Variants in NKAIN2 observed in about 807,000 individuals in gnomAD.
NKAIN2 encodes sodium/potassium-transporting ATPase subunit beta-1-interacting protein 2.
A neutral mutation model predicts 32.6 loss-of-function variants in NKAIN2; 14 were observed. That is an observed-to-expected ratio of 0.43 (90% CI 0.28 to 0.67). The LOEUF (loss-of-function observed/expected upper bound fraction) is 0.67, where lower values mean the gene tolerates loss of function less well. Among genes scored for constraint, NKAIN2 ranks in the 30% least tolerant of loss-of-function variants. The pLI is 0.17. For synonymous variants in NKAIN2, 80 were observed against 87.2 expected, an observed-to-expected ratio of 0.92 and a Z score of 0.46; for missense variants, 198 against 258.3, an observed-to-expected ratio of 0.77 and a Z score of 1.60.
At chr6:124,427,460 T>C (rs184860177) in intron 3 of NKAIN2, among the ~76,000 whole-genome samples, 2 of 152,360 alleles carry the variant, frequency 1.3e-5, no homozygotes, top group East Asian at 3.9e-4. Flanking sequence ...ATACTTTAAA[T>C]ATAAGAAATA....
intron 1 of NKAIN2, among the ~76,000 whole-genome samples, chr6:124,158,395 T>G (rs1788094684): frequency 6.6e-6 from 1 of 152,150 alleles, no homozygotes; most frequent in Non-Finnish European, 1.5e-5. Flanking sequence ...TTTCCACATG[T>G]GGATTTTGTG....
rs760020043 is a variant in NKAIN2, at chr6:123,964,667, G to T, written c.54+160413G>T. ...AAATGTCAAACGGTTTTGGAGTGTT[G>T]CCCAGCCACTTTCCTGTACTCACAT... On this transcript the variant is annotated intron_variant, in intron 1 of 6. Transcript: ENST00000368417. The surrounding 1 kb of genome is among the most constrained non-coding windows in gnomAD (Gnocchi z 4.0). Among the ~76,000 whole-genome samples, 113 of 152,108 alleles carry T rather than the reference G, an allele frequency of 7.4e-4. 1 individual carries two copies. The highest frequency in any genetic ancestry group is 2.1e-4 in the Non-Finnish European group (14 of 68,028).
At chr6:124,808,808 C>CA (rs555789791) in intron 5 of NKAIN2, among the ~76,000 whole-genome samples, 12 of 151,948 alleles carry the variant, frequency 7.9e-5, no homozygotes, top group Admixed American at 1.3e-4. Flanking sequence ...AATCAATGTA[C>CA]AAAATCACAA....
intron 3 of NKAIN2, among the ~76,000 whole-genome samples, chr6:124,453,316 C>A (rs1243640220): frequency 8.7e-6 from 1 of 115,522 alleles, no homozygotes; most frequent in Non-Finnish European, 1.8e-5. Flanking sequence ...CTCATACATG[C>A]ATATAAACAC....
chr6:124,231,080 G>A (rs940579235), intron 1 of NKAIN2, among the ~76,000 whole-genome samples: 4 of 152,222 alleles, frequency 2.6e-5, no homozygotes, highest in African/African-American at 9.6e-5. Flanking sequence ...CAAGACCGTG[G>A]GAACCCACCT....
At chr6:124,546,679 T>A (rs1304089253) in intron 3 of NKAIN2, among the ~76,000 whole-genome samples, 2 of 152,072 alleles carry the variant, frequency 1.3e-5, no homozygotes, top group Non-Finnish European at 2.9e-5. Context: ...TGCTTCCCCC[T>A]CAAGAAATTT....
chr6:124,382,232 A>G (rs1772676823), intron 3 of NKAIN2, among the ~76,000 whole-genome samples: 1 of 152,180 alleles, frequency 6.6e-6, no homozygotes, highest in Non-Finnish European at 1.5e-5. Flanking sequence ...TGCAGTTTAT[A>G]TTGTTTACAT....
At chr6:124,337,675 T>C (rs1237765120) in intron 2 of NKAIN2, among the ~76,000 whole-genome samples, 3 of 152,264 alleles carry the variant, frequency 2.0e-5, no homozygotes, top group Non-Finnish European at 2.9e-5. Flanking sequence ...AGAAGCTCCC[T>C]ATAGGTGACT....
chr6:124,044,982 T>G (rs1782050604), intron 1 of NKAIN2, among the ~76,000 whole-genome samples: 1 of 151,980 alleles, frequency 6.6e-6, no homozygotes, highest in African/African-American at 2.4e-5. Flanking sequence ...CACCCAAAAC[T>G]GCGTTTTCTG....
In NKAIN2 at chr6:124,484,982, A is replaced by G. The variant is rs905831011; in HGVS notation, c.273+129635A>G. Among the ~76,000 whole-genome samples, 59 of 152,158 alleles carry G rather than the reference A, an allele frequency of 3.9e-4. 2 individuals carry two copies. Among genetic ancestry groups the G allele is most frequent in the Non-Finnish European group, 8.8e-5 (6 of 68,036 alleles). On this transcript the variant is annotated intron_variant, in intron 3 of 6. Coordinates refer to ENST00000368417, the MANE Select transcript of NKAIN2 (RefSeq NM_001040214.3). ...AAAAAAGAGCCCCTTCTGAGTGAATACAAAATACATCAAAAGATATCTGTT... is the reference window on the plus strand; with the variant it reads ...AAAAAAGAGCCCCTTCTGAGTGAATGCAAAATACATCAAAAGATATCTGTT...
At position 124,543,629 on chromosome 6, in the gene NKAIN2, A is replaced by G. The variant is rs527928991; in HGVS notation, c.274-114557A>G. Among the ~76,000 whole-genome samples, 7 of 152,330 alleles carry G rather than the reference A, an allele frequency of 4.6e-5. No homozygotes were observed. The South Asian group carries it at 1.5e-3, about 32-fold the overall frequency. On this transcript the variant is annotated intron_variant, in intron 3 of 6. Transcript: ENST00000368417. ...AGATGATGAATTCTAAAATGGTGCAAGATTAAATTTACACACACACAAAAA... is the reference window on the plus strand; with the variant it reads ...AGATGATGAATTCTAAAATGGTGCAGGATTAAATTTACACACACACAAAAA...
At chr6:124,436,573 T>G (rs1054624897) in intron 3 of NKAIN2, among the ~76,000 whole-genome samples, 1 of 152,132 alleles carries the variant, frequency 6.6e-6, no homozygotes, top group African/African-American at 2.4e-5. Flanking sequence ...AGAACTGGAA[T>G]TTAGTGAAAT....
intron 2 of NKAIN2, among the ~76,000 whole-genome samples, chr6:124,299,410 G>A (rs1583012824): frequency 6.6e-6 from 1 of 152,140 alleles, no homozygotes; most frequent in Admixed American, 6.5e-5. Context: ...TTTTTCCACT[G>A]AGATATATTT....
rs139435269 is a variant in NKAIN2, at chr6:124,613,432, G to A, written c.274-44754G>A. Among the ~76,000 whole-genome samples, 358 of 152,270 alleles carry A rather than the reference G, an allele frequency of 2.4e-3. 11 individuals are homozygous for A. Among genetic ancestry groups the A allele is most frequent in the Admixed American group, 0.022 (343 of 15,294 alleles). On this transcript the variant is annotated intron_variant, in intron 3 of 6. Coordinates refer to ENST00000368417, the MANE Select transcript of NKAIN2 (RefSeq NM_001040214.3). Reference sequence around the variant, plus strand: ...TGTTCCTAAAGCAGTGATTTTTTGTGGAGAATCAATATGGGTTTCTGATTA... The same window carrying A: ...TGTTCCTAAAGCAGTGATTTTTTGTAGAGAATCAATATGGGTTTCTGATTA...
intron 1 of NKAIN2, among the ~76,000 whole-genome samples, chr6:124,157,940 G>A (rs1788071431): frequency 6.6e-6 from 1 of 152,120 alleles, no homozygotes; most frequent in African/African-American, 2.4e-5. Flanking sequence ...TGATCTATTT[G>A]TGTCCACATT....
At chr6:123,915,220 G>A (rs1775426197) in intron 1 of NKAIN2, among the ~76,000 whole-genome samples, 1 of 152,090 alleles carries the variant, frequency 6.6e-6, no homozygotes, top group South Asian at 2.1e-4. Context: ...GCTCTCCAAG[G>A]AAAATTTAGG....
At chr6:124,584,979 A>C (rs1484204516) in intron 3 of NKAIN2, among the ~76,000 whole-genome samples, 1 of 152,230 alleles carries the variant, frequency 6.6e-6, no homozygotes, top group Non-Finnish European at 1.5e-5. Context: ...CCTAAAGGGA[A>C]TCAGCATACT....
At chr6:123,811,114 T>C (rs1041796366) in intron 1 of NKAIN2, among the ~76,000 whole-genome samples, 1 of 152,224 alleles carries the variant, frequency 6.6e-6, no homozygotes, top group Non-Finnish European at 1.5e-5. Context: ...TGAACCTGTT[T>C]TTGAAATTCT....
At chr6:124,004,703 G>A (rs1158382878) in intron 1 of NKAIN2, among the ~76,000 whole-genome samples, 1 of 151,806 alleles carries the variant, frequency 6.6e-6, no homozygotes, top group Non-Finnish European at 1.5e-5. Flanking sequence ...ACACACCGGG[G>A]CCTGTCAGGT....
Sources: allele counts gnomAD v4.1 joint callset (sites outside exome capture counted in the v4.1 genomes callset), GRCh38; gene constraint gnomAD v4.1.1; non-coding constraint Gnocchi (gnomAD v3.1); transcripts MANE v1.5; gene names NCBI Gene and HGNC (gene_info 2026-07-23, HGNC 2026-07-21).